Variants in MRPL48 observed in about 807,000 individuals in gnomAD.
MRPL48 encodes large ribosomal subunit protein mL48.
MRPL48 carries 16 observed loss-of-function variants against 32.9 expected under a neutral mutation model. That is an observed-to-expected ratio of 0.49 (90% confidence interval 0.33 to 0.74). The LOEUF is 0.74. Ranked by LOEUF, MRPL48 falls within the 30% of genes least tolerant of loss-of-function variation. MRPL48 has a pLI of 0.02. For synonymous variants in MRPL48, 94 were observed against 89.2 expected, an observed-to-expected ratio of 1.05 and a Z score of -0.31; for missense variants, 206 against 245.3, an observed-to-expected ratio of 0.84 and a Z score of 1.07.
intron 3 of MRPL48, among the ~76,000 whole-genome samples, chr11:73,818,854 T>C (rs538609900): frequency 6.6e-6 from 1 of 152,222 alleles, no homozygotes; most frequent in Non-Finnish European, 1.5e-5. Flanking sequence ...CTGGCATATG[T>C]AAAGGAAAGG....
chr11:73,864,434 G>A lies in MRPL48; in HGVS notation c.*64G>A, dbSNP rs1229219656. ...AGTGCCAAAGAGAAGAGCTTACTGG[G>A]TAGTTAGAGTTCATCAGGAGACCCA... On this transcript the variant is annotated 3_prime_UTR_variant, in exon 8 of 8. Transcript: ENST00000310614. The A allele has an allele frequency of 6.5e-7, 1 of 1,528,658 alleles. No individual in the cohort carries two copies. The highest frequency in any genetic ancestry group is 1.4e-5 in the African/African-American group (1 of 73,188). The allele number at this position is 1,528,658 out of a possible 1,614,324, so 94.7% of individuals were successfully genotyped here. A position where few individuals can be genotyped will look rare whatever the true frequency, so the allele number is the denominator to read the frequency against.
At chr11:73,800,815 T>C (rs1159952371) in intron 1 of MRPL48, among the ~76,000 whole-genome samples, 8 of 137,380 alleles carry the variant, frequency 5.8e-5, no homozygotes, top group Admixed American at 2.9e-4. Flanking sequence ...TTTTTCTTTT[T>C]TTTTTTTTTT....
intron 1 of MRPL48, among the ~76,000 whole-genome samples, chr11:73,796,615 C>T (rs1017604593): frequency 6.6e-6 from 1 of 152,226 alleles, no homozygotes; most frequent in Admixed American, 6.5e-5. Flanking sequence ...GGCAGGTTCC[C>T]ATTGAGACCC....
intron 5 of MRPL48, among the ~76,000 whole-genome samples, chr11:73,854,908 T>C (rs540409946): frequency 6.6e-6 from 1 of 152,296 alleles, no homozygotes; most frequent in Non-Finnish European, 1.5e-5. Flanking sequence ...GTTTTCTTGC[T>C]CCACTGCATT....
intron 3 of MRPL48, among the ~76,000 whole-genome samples, chr11:73,816,680 T>G (rs1167484834): frequency 6.6e-6 from 1 of 151,240 alleles, no homozygotes; most frequent in African/African-American, 2.4e-5. Flanking sequence ...GCCAAGCTAG[T>G]CTCGAACTCC....
chr11:73,833,312 C>T (rs1331285391), intron 4 of MRPL48, among the ~76,000 whole-genome samples: 2 of 151,904 alleles, frequency 1.3e-5, no homozygotes, highest in Admixed American at 6.6e-5. Context: ...GAAGACCTGA[C>T]TGCCTGTGCC....
At chr11:73,846,067 C>CAAAA (rs749259766) in intron 5 of MRPL48, among the ~76,000 whole-genome samples, 3 of 57,812 alleles carry the variant, frequency 5.2e-5, no homozygotes, top group African/African-American at 1.4e-4. Flanking sequence ...GACCCTGTCT[C>CAAAA]AAAAAAAAAA....
intron 3 of MRPL48, among the ~76,000 whole-genome samples, chr11:73,811,628 C>G (rs1350741497): frequency 6.6e-6 from 1 of 152,084 alleles, no homozygotes; most frequent in Non-Finnish European, 1.5e-5. Context: ...CATCATTATT[C>G]TCTAGCCTTG....
chr11:73,844,695 C>G, intron 4 of MRPL48, 112 bp from the exon 5 acceptor site: 3 of 1,290,350 alleles, frequency 2.3e-6, no homozygotes, highest in Non-Finnish European at 3.1e-6. Flanking sequence ...AACCTGAGAG[C>G]AAAATGTGAA....
chr11:73,817,763 A>AT (rs1243244570), intron 3 of MRPL48: 3 of 341,662 alleles, frequency 8.8e-6, no homozygotes, highest in East Asian at 9.8e-5. Flanking sequence ...TTTTGTTGGT[A>AT]TTTTTTATAG....
intron 1 of MRPL48, among the ~76,000 whole-genome samples, chr11:73,790,804 G>A (rs1947136652): frequency 6.6e-6 from 1 of 151,146 alleles, no homozygotes; most frequent in African/African-American, 2.4e-5. Context: ...TGGGATTGCA[G>A]ATATGAGCCA....
Position 73,819,229 on chromosome 11 carries a change from C to T in MRPL48, c.113-6479C>T, listed in dbSNP as rs183793257. On this transcript the variant is annotated intron_variant, in intron 3 of 7. Transcript: ENST00000310614. ...AACCAGCTTCTTAATTAAGCAGATG[C>T]TCTAATTATAGGAATTGCTCCAAAC... is the stretch of plus-strand genomic sequence containing the variant. Among the ~76,000 whole-genome samples the T allele has an allele frequency of 1.4e-3, 216 of 152,352 alleles. 2 individuals are homozygous for T. The highest frequency in any genetic ancestry group is 5.1e-3 in the African/African-American group (212 of 41,582).
chr11:73,844,430 C>CA (rs1409151551), intron 4 of MRPL48, among the ~76,000 whole-genome samples: 2 of 150,598 alleles, frequency 1.3e-5, no homozygotes, highest in Non-Finnish European at 3.0e-5. Context: ...AGACTGTCTC[C>CA]AAAAAAAAGA....
chr11:73,856,605 A>G (rs1254727755), intron 5 of MRPL48, among the ~76,000 whole-genome samples: 1 of 152,216 alleles, frequency 6.6e-6, no homozygotes, highest in Non-Finnish European at 1.5e-5. Context: ...TGCTAAGAGT[A>G]AAAGCATCAC....
intron 5 of MRPL48, among the ~76,000 whole-genome samples, chr11:73,853,725 C>G (rs945297455): frequency 3.6e-5 from 4 of 109,722 alleles, no homozygotes; most frequent in South Asian, 3.2e-4. Flanking sequence ...GAGTCTCGCT[C>G]TGTTGCCCAG....
intron 1 of MRPL48, among the ~76,000 whole-genome samples, chr11:73,790,374 C>CT (rs759628609): frequency 0.035 from 2,020 of 57,988 alleles, 637 homozygotes; most frequent in African/African-American, 0.091. Context: ...CGCACCCGGC[C>CT]TTTTTTTTTT....
At position 73,864,439 on chromosome 11, in the gene MRPL48, T is replaced by TA; in HGVS notation, c.*70dup. The stretch of plus-strand genomic sequence containing the variant: ...CAAAGAGAAGAGCTTACTGGGTAGT[T>TA]AGAGTTCATCAGGAGACCCAACCCT... On this transcript the variant is annotated 3_prime_UTR_variant, in exon 8 of 8. Coordinates refer to ENST00000310614, the MANE Select transcript of MRPL48 (RefSeq NM_016055.6). The TA allele has an allele frequency of 2.6e-6, 4 of 1,510,440 alleles. No homozygotes were observed. The highest frequency in any genetic ancestry group is 3.4e-4 in the Middle Eastern group (2 of 5,876). The allele number at this position is 1,510,440 out of a possible 1,614,324, so 93.6% of individuals were successfully genotyped here.
chr11:73,796,117 C>T (rs1333389434), intron 1 of MRPL48, among the ~76,000 whole-genome samples: 1 of 152,246 alleles, frequency 6.6e-6, no homozygotes, highest in Non-Finnish European at 1.5e-5. Flanking sequence ...AAGTGGGAGC[C>T]CTGCCCCTTC....
At chr11:73,802,740 C>T (rs1039802846) in intron 1 of MRPL48, among the ~76,000 whole-genome samples, 2 of 151,796 alleles carry the variant, frequency 1.3e-5, no homozygotes, top group Non-Finnish European at 2.9e-5. Context: ...ATTCTGTCAC[C>T]CCAGGCCAGA....
Sources: gnomAD v4.1 joint callset for allele counts (sites outside exome capture counted in the v4.1 genomes callset) on GRCh38, gnomAD v4.1.1 for gene constraint, MANE v1.5 for transcripts, NCBI Gene and HGNC (gene_info 2026-07-23, HGNC 2026-07-21) for gene names.